SLC4A4: variants seen among roughly 807,000 people sequenced by gnomAD.
The protein encoded by SLC4A4 is electrogenic sodium bicarbonate cotransporter 1.
A neutral mutation model predicts 111.5 loss-of-function variants in SLC4A4; 27 were observed. That is an observed-to-expected ratio of 0.24 (90% confidence interval 0.18 to 0.33). The LOEUF (loss-of-function observed/expected upper bound fraction) is 0.33. Among genes scored for constraint, SLC4A4 ranks in the 10% least tolerant of loss-of-function variants. The pLI is 1.00. For synonymous variants in SLC4A4, 443 were observed against 463.4 expected, an observed-to-expected ratio of 0.96 and a Z score of 0.57; for missense variants, 909 against 1,315.5, an observed-to-expected ratio of 0.69 and a Z score of 4.78.
intron 12 of SLC4A4, among the ~76,000 whole-genome samples, chr4:71,463,765 G>A (rs1233360812): frequency 2.0e-5 from 3 of 152,122 alleles, no homozygotes; most frequent in Non-Finnish European, 4.4e-5. Flanking sequence ...CATTTGCTGA[G>A]TGTCTACAGA....
intron 3 of SLC4A4, among the ~76,000 whole-genome samples, chr4:71,261,775 G>A (rs1020623816): frequency 2.6e-5 from 4 of 152,132 alleles, no homozygotes; most frequent in African/African-American, 4.8e-5. Flanking sequence ...GTTATTCCAT[G>A]TTATCATGCC....
intron 7 of SLC4A4, among the ~76,000 whole-genome samples, chr4:71,426,111 AT>A (rs930907378): frequency 4.6e-5 from 7 of 151,870 alleles, no homozygotes; most frequent in Non-Finnish European, 5.9e-5. Context: ...TAAGGCTGGA[AT>A]TTTTTTTATT....
At chr4:71,399,248 G>A (rs1720128648) in intron 7 of SLC4A4, among the ~76,000 whole-genome samples, 1 of 151,916 alleles carries the variant, frequency 6.6e-6, no homozygotes, top group African/African-American at 2.4e-5. Flanking sequence ...TTCTCTTTCT[G>A]TCTTTTAAGT....
At chr4:71,375,223 C>T (rs1045374529) in intron 6 of SLC4A4, among the ~76,000 whole-genome samples, 8 of 152,140 alleles carry the variant, frequency 5.3e-5, no homozygotes, top group African/African-American at 1.9e-4. Context: ...GATAAGTTAC[C>T]TCCTCATGTG....
chr4:71,148,205 T>G (rs1386848197), intron 2 of SLC4A4, among the ~76,000 whole-genome samples: 2 of 152,160 alleles, frequency 1.3e-5, no homozygotes, highest in African/African-American at 4.8e-5. Flanking sequence ...ATAGCACATC[T>G]GATATTTATA....
intron 1 of SLC4A4, among the ~76,000 whole-genome samples, chr4:71,076,755 T>G (rs1432091778): frequency 6.6e-6 from 1 of 152,092 alleles, no homozygotes. Flanking sequence ...CTTTGGAAGG[T>G]TGAAGCGGGC....
At chr4:71,142,728 C>T (rs1013015930) in intron 2 of SLC4A4, among the ~76,000 whole-genome samples, 9 of 149,918 alleles carry the variant, frequency 6.0e-5, no homozygotes, top group African/African-American at 2.2e-4. Flanking sequence ...GCAACTCTCT[C>T]CAGCCATTCC....
intron 1 of SLC4A4, among the ~76,000 whole-genome samples, chr4:71,077,552 T>C (rs905937310): frequency 6.6e-6 from 1 of 152,236 alleles, no homozygotes; most frequent in East Asian, 1.9e-4. Context: ...AAAGAAGATA[T>C]TTATTCAATT....
At chr4:71,222,480 C>T (rs904616005) in intron 1 of SLC4A4, among the ~76,000 whole-genome samples, 11 of 152,178 alleles carry the variant, frequency 7.2e-5, no homozygotes, top group African/African-American at 1.7e-4. Context: ...CATTATGCAA[C>T]GATTTTTAAA....
In SLC4A4 at chr4:71,075,597, C is replaced by G. The variant is rs116528877; in HGVS notation, c.-65+12809C>G. ...GCTGTTCACGCTGCCTGGGGTGTTT[C>G]CGCCAGCTCTCTCCATGGCTCACTC... is the stretch of plus-strand genomic sequence containing the variant. On this transcript the variant is annotated intron_variant, in intron 1 of 26. Transcript: ENST00000649996. Among the ~76,000 whole-genome samples the G allele has an allele frequency of 7.2e-3, 1,089 of 152,302 alleles. 6 individuals carry two copies. The highest frequency in any genetic ancestry group is 0.014 in the Middle Eastern group (4 of 294).
In SLC4A4 at chr4:71,532,128, C is replaced by T; in HGVS notation, c.2233C>T (p.Leu745=). 6.2e-7 allele frequency: 1 copy of T among 1,613,030 alleles called. No individual in the cohort carries two copies. Among genetic ancestry groups the T allele is most frequent in the Non-Finnish European group, 8.5e-7 (1 of 1,179,232 alleles). The part of the protein sequence containing the change: ...SILIFCVIDA[L]VGVDTPKLIV... ...TCTCATCTTTTGTGTAATAGATGCC[C>T]TAGTAGGCGTGGACACCCCAAAACT... The change falls in exon 17 of 26, where the codon CTA becomes TTA. Residue 745 remains leucine (L), a synonymous_variant. Coordinates refer to ENST00000264485, the MANE Select transcript of SLC4A4 (RefSeq NM_001098484.3).
chr4:71,210,313 C>T (rs1718051976), intron 1 of SLC4A4, among the ~76,000 whole-genome samples: 1 of 152,184 alleles, frequency 6.6e-6, no homozygotes, highest in African/African-American at 2.4e-5. Flanking sequence ...TGTTTAATAG[C>T]CATTATCTAA....
At position 71,309,360 on chromosome 4, in the gene SLC4A4, G is replaced by A. The variant is rs538290050; in HGVS notation, c.254-30010G>A. ...TCCTGACAAGGAGGGTTCTCCCAGC[G>A]TGGTACTTGAGCTCTGCTAAGGGAC... On this transcript the variant is annotated intron_variant, in intron 3 of 25. Transcript: ENST00000264485. Among the ~76,000 whole-genome samples the A allele has an allele frequency of 9.2e-5, 14 of 152,330 alleles. No individual in the cohort carries two copies. In the East Asian group the frequency reaches 1.4e-3, roughly 15 times the overall value.
chr4:71,543,069 G>A (rs1473014872), intron 18 of SLC4A4, among the ~76,000 whole-genome samples: 3 of 152,106 alleles, frequency 2.0e-5, no homozygotes, highest in Non-Finnish European at 4.4e-5. Context: ...AAATGTGGCT[G>A]ATGTTGTGAA....
intron 18 of SLC4A4, among the ~76,000 whole-genome samples, chr4:71,542,453 A>G (rs188849250): frequency 3.3e-5 from 5 of 152,124 alleles, no homozygotes; most frequent in Admixed American, 6.6e-5. Flanking sequence ...GTGACTTCCT[A>G]TTGCTCTTGT....
At chr4:71,282,964 A>G (rs923666482) in intron 3 of SLC4A4, among the ~76,000 whole-genome samples, 1 of 152,202 alleles carries the variant, frequency 6.6e-6, no homozygotes, top group Non-Finnish European at 1.5e-5. Flanking sequence ...CCGCAACGAT[A>G]AAGGGACTAT....
chr4:71,185,491 A>G (rs185588246), upstream of SLC4A4, among the ~76,000 whole-genome samples: 3 of 152,352 alleles, frequency 2.0e-5, no homozygotes, highest in Admixed American at 6.5e-5. Flanking sequence ...TCCCAGTGAT[A>G]TATCACTGCA....
Position 71,515,897 on chromosome 4 carries a change from G to A in SLC4A4, c.2167-16165G>A, listed in dbSNP as rs558521006. On this transcript the variant is annotated intron_variant, in intron 16 of 25. Transcript: ENST00000264485. The stretch of plus-strand genomic sequence containing the variant: ...TCTTATAAGTAGCATATAGTTAGAT[G>A]CTACTTTTGTAAGTCCAGTCAGCAG... Among the ~76,000 whole-genome samples, 203 of 151,944 alleles carry A rather than the reference G, an allele frequency of 1.3e-3. 2 individuals are homozygous for A. In the South Asian group the frequency reaches 0.018, roughly 13 times the overall value.
At chr4:71,527,676 A>G (rs919791845) in intron 16 of SLC4A4, among the ~76,000 whole-genome samples, 3 of 149,652 alleles carry the variant, frequency 2.0e-5, no homozygotes, top group African/African-American at 7.4e-5. Context: ...GCCACCGTGT[A>G]TTTCCCTTCT....
Sources: allele counts gnomAD v4.1 joint callset (sites outside exome capture counted in the v4.1 genomes callset), GRCh38; gene constraint gnomAD v4.1.1; transcripts MANE v1.5; gene names NCBI Gene and HGNC (gene_info 2026-07-23, HGNC 2026-07-21).